The following UBE3B variants were observed in gnomAD, a reference collection of about 807,000 sequenced individuals.
The protein encoded by UBE3B is ubiquitin-protein ligase E3B.
UBE3B carries 80 observed loss-of-function variants against 132.3 expected under a neutral mutation model. The observed-to-expected ratio is 0.60, with a 90% CI of 0.50 to 0.73. The LOEUF (loss-of-function observed/expected upper bound fraction) is 0.73, where lower values mean the gene tolerates loss of function less well. Among genes scored for constraint, UBE3B ranks in the 30% least tolerant of loss-of-function variants. The pLI, the probability that UBE3B is intolerant of heterozygous loss-of-function variation, is 0.00. For synonymous variants in UBE3B, 487 were observed against 520.4 expected, an observed-to-expected ratio of 0.94 and a Z score of 0.87; for missense variants, 1,196 against 1,362.5, an observed-to-expected ratio of 0.88 and a Z score of 1.92.
Position 109,502,848 on chromosome 12 carries a change from CTGT to C in UBE3B, c.1283-170_1283-168del, listed in dbSNP as rs536866851. Among the ~76,000 whole-genome samples the C allele has an allele frequency of 3.3e-4, 51 of 152,270 alleles. No homozygotes were observed. The South Asian group carries it at 0.01, about 31-fold the overall frequency. ...AGATCTTTGGGTTGTACCTAAAAAC[CTGT>C]TGTTAATGTTTTTCTAATTTATCCC... is the stretch of plus-strand genomic sequence containing the variant. On this transcript the variant is annotated intron_variant, in intron 13 of 27. Coordinates refer to ENST00000342494, the MANE Select transcript of UBE3B (RefSeq NM_130466.4).
chr12:109,540,718 A>T (rs140073922), downstream of UBE3B, among the ~76,000 whole-genome samples: 8 of 152,258 alleles, frequency 5.3e-5, no homozygotes, highest in Non-Finnish European at 8.8e-5. Flanking sequence ...TTGTGAAGTC[A>T]TTCTGGCCCT....
chr12:109,534,607 T>C lies in UBE3B; in HGVS notation c.3032T>C (p.Leu1011Pro). 1 of 1,610,620 alleles carries C rather than the reference T, an allele frequency of 6.2e-7. No homozygotes were observed. Among genetic ancestry groups the C allele is most frequent in the Non-Finnish European group, 8.5e-7 (1 of 1,178,338 alleles). The change falls in exon 28 of 28, where the codon CTG becomes CCG. Residue 1011 changes from leucine to proline, a missense_variant. Physicochemically the swap from Leu to Pro is moderately conservative, Grantham distance 98. Coordinates refer to ENST00000342494, the MANE Select transcript of UBE3B (RefSeq NM_130466.4). The surrounding 1 kb of genome is among the most constrained non-coding windows in gnomAD (Gnocchi z 5.2). ...VSDDQDTGDTLGSVLRGFFTI... is the reference protein window; with the variant it reads ...VSDDQDTGDTPGSVLRGFFTI... The stretch of plus-strand genomic sequence containing the variant: ...TGCCTTCAGGACACCGGGGACACTC[T>C]GGGCAGCGTCCTCCGGGGCTTCTTC...
intron 27 of UBE3B, chr12:109,533,985 T>C: frequency 7.7e-7 from 1 of 1,298,430 alleles, no homozygotes. Context: ...ATTTCCTCAT[T>C]GGCCAAAGGA....
At chr12:109,481,604 T>C (rs1387351291) in intron 1 of UBE3B, 33 bp from the exon 2 acceptor site, 1 of 152,194 alleles carries the variant, frequency 6.6e-6, no homozygotes, top group Admixed American at 6.5e-5. Context: ...AATTTAACCC[T>C]AAGTCTGGAT....
At chr12:109,499,328 C>T (rs1222369225) in intron 11 of UBE3B, among the ~76,000 whole-genome samples, 1 of 152,210 alleles carries the variant, frequency 6.6e-6, no homozygotes, top group Non-Finnish European at 1.5e-5. Context: ...ATTTTACCTG[C>T]CACTTCATCC....
Position 109,498,272 on chromosome 12 carries a change from TTCA to T in UBE3B, c.864_866del (p.Ile289del). On this transcript the variant is annotated inframe_deletion, in exon 11 of 28. Coordinates refer to ENST00000342494, the MANE Select transcript of UBE3B (RefSeq NM_130466.4). The stretch of plus-strand genomic sequence containing the variant: ...AGAATCCCATGACATGCTTCGTAAA[TTCA>T]TCATATTTTTAAGAGACCAAGATCG... The T allele has an allele frequency of 1.9e-6, 3 of 1,614,132 alleles. No individual in the cohort carries two copies. The highest frequency in any genetic ancestry group is 2.5e-6 in the Non-Finnish European group (3 of 1,180,002).
At chr12:109,530,429 T>G (rs149716805) in intron 25 of UBE3B, 118 bp from the exon 26 acceptor site, 69 of 781,980 alleles carry the variant, frequency 8.8e-5, no homozygotes, top group African/African-American at 8.3e-4. Context: ...TAAGAGAAAT[T>G]AGTAGTGTTC....
At chr12:109,494,787 T>C (rs1475695855) in intron 9 of UBE3B, among the ~76,000 whole-genome samples, 2 of 152,160 alleles carry the variant, frequency 1.3e-5, no homozygotes, top group Admixed American at 1.3e-4. Flanking sequence ...CCTCCAAACA[T>C]TGAGGCAGCC....
intron 26 of UBE3B, among the ~76,000 whole-genome samples, chr12:109,532,996 G>C (rs989029930): frequency 6.6e-6 from 1 of 152,290 alleles, no homozygotes; most frequent in East Asian, 1.9e-4. Flanking sequence ...CGGGTCTCCC[G>C]GGCTCCCTCT....
intron 2 of UBE3B, 26 bp from the exon 3 acceptor site, chr12:109,483,505 C>T (rs1566070062): frequency 2.0e-6 from 3 of 1,522,672 alleles, no homozygotes; most frequent in Admixed American, 2.3e-5. Context: ...CAATCTACAA[C>T]ACCCACTTGC....
In UBE3B at chr12:109,490,883, C is replaced by T; in HGVS notation, c.631-162C>T. 6.6e-6 allele frequency: 7 copies of T among 1,052,942 alleles called. No individual in the cohort carries two copies. In the South Asian group the frequency reaches 7.7e-5, roughly 12 times the overall value. 65.2% of individuals were successfully genotyped at this position (1,052,942 alleles called of 1,614,324 possible). On this transcript the variant is annotated intron_variant, in intron 8 of 27. Transcript: ENST00000342494. ...CCCAGGCTGGCCTCAAGGAATCTTCCTGCCTCAGCCTCCTGAGCTGGGACT... is the reference window on the plus strand; with the variant it reads ...CCCAGGCTGGCCTCAAGGAATCTTCTTGCCTCAGCCTCCTGAGCTGGGACT...
At chr12:109,527,376 C>T (rs1388413723) in intron 24 of UBE3B, among the ~76,000 whole-genome samples, 1 of 152,214 alleles carries the variant, frequency 6.6e-6, no homozygotes, top group African/African-American at 2.4e-5. Flanking sequence ...GTCAGTTTAT[C>T]AATCTCCCGC....
rs1287292615 is a variant in UBE3B, at chr12:109,489,954, G to T, written c.580G>T (p.Ala194Ser). 1.2e-6 allele frequency: 2 copies of T among 1,614,190 alleles called. No individual in the cohort carries two copies. Among genetic ancestry groups the T allele is most frequent in the African/African-American group, 2.7e-5 (2 of 75,050 alleles). ...TCGACCAGCGATGAACCACATTTGT[G>T]CAAATATAATGGGACATCTCAACCA... ...SLRPAMNHIC[A>S]NIMGHLNQHG... is the part of the protein sequence containing the mutation. Residue 194 changes from alanine (A) to serine (S), a missense_variant, in exon 8 of 28, where the codon GCA (alanine) becomes TCA (serine). Transcript: ENST00000342494.
At chr12:109,498,377 G>T (rs1878510070) in intron 11 of UBE3B, 24 bp downstream of exon 11, 1 of 1,609,422 alleles carries the variant, frequency 6.2e-7, no homozygotes, top group South Asian at 1.1e-5. Context: ...GCTGGAACTT[G>T]ATTGTGTCCT....
At position 109,495,355 on chromosome 12, in the gene UBE3B, A is replaced by G. The variant is rs187058305; in HGVS notation, c.714-2463A>G. On this transcript the variant is annotated intron_variant, in intron 9 of 27. Coordinates refer to ENST00000342494, the MANE Select transcript of UBE3B (RefSeq NM_130466.4). ...GTTGTTCTCATACCTTTTTTTCTGC[A>G]TGACCTCTGAGTGATTTTTAAAAAT... is the stretch of plus-strand genomic sequence containing the variant. 3.2e-4 allele frequency among the ~76,000 whole-genome samples: 48 copies of G among 152,218 alleles called. No individual in the cohort carries two copies. In the East Asian group the frequency reaches 5.8e-3, roughly 18 times the overall value.
chr12:109,530,533 T>C lies in UBE3B; in HGVS notation c.2811-14T>C. ...GCTAGCACATTGCTGAGCCCAGGTC[T>C]GTATTGCTTTCAGGAAGCACACAGT... is the stretch of plus-strand genomic sequence containing the variant. On this transcript the variant is annotated splice_polypyrimidine_tract_variant and intron_variant, in intron 25 of 27. Transcript: ENST00000342494. 2 of 1,612,540 alleles carry C rather than the reference T, an allele frequency of 1.2e-6. No individual in the cohort carries two copies. The highest frequency in any genetic ancestry group is 4.5e-5 in the East Asian group (2 of 44,876).
chr12:109,498,386 C>A, intron 11 of UBE3B, 33 bp downstream of exon 11: 1 of 1,603,554 alleles, frequency 6.2e-7, no homozygotes, highest in South Asian at 1.1e-5. Context: ...TGATTGTGTC[C>A]TGGCCATCAG....
the UBE3B span, among the ~76,000 whole-genome samples, chr12:109,541,997 C>T: frequency 6.5e-4 from 99 of 152,342 alleles, no homozygotes; most frequent in Non-Finnish European, 1.2e-3. Flanking sequence ...GTCCCATGCA[C>T]AGGTTCTGGG....
At chr12:109,497,693 C>G in intron 9 of UBE3B, 125 bp from the exon 10 acceptor site, 2 of 943,292 alleles carry the variant, frequency 2.1e-6, no homozygotes, top group Non-Finnish European at 3.3e-6. Context: ...CAATTTCAGC[C>G]TTCAGTTTTC....
Sources: gnomAD v4.1 joint callset for allele counts (sites outside exome capture counted in the v4.1 genomes callset) on GRCh38, gnomAD v4.1.1 for gene constraint, Gnocchi (gnomAD v3.1) non-coding constraint, MANE v1.5 for transcripts, NCBI Gene and HGNC (gene_info 2026-07-23, HGNC 2026-07-21) for gene names.